The following MYO1A variants were observed in gnomAD, a reference collection of about 807,000 sequenced individuals.
MYO1A encodes myosin IA.
A neutral mutation model predicts 138.5 loss-of-function variants in MYO1A; 127 were observed. The observed-to-expected ratio is 0.92, with a 90% confidence interval of 0.79 to 1.06. The LOEUF (loss-of-function observed/expected upper bound fraction) is 1.06, where lower values mean the gene tolerates loss of function less well. MYO1A is among the 50% of genes least tolerant of loss of function. The pLI is 0.00. For synonymous variants in MYO1A, 477 were observed against 497.5 expected (o/e 0.96, Z 0.55); for missense variants, 1,211 against 1,288.8 (o/e 0.94, Z 0.92).
rs1273558891 is a variant in MYO1A at position 57,047,125 on chromosome 12, G to C, written c.431-18C>G. On this transcript the variant is annotated intron_variant, in intron 5 of 27. Coordinates refer to ENST00000300119, the MANE Select transcript of MYO1A (RefSeq NM_005379.4). The stretch of plus-strand genomic sequence containing the variant: ...GCCAAAAGCTACAGAGATGAGGAGG[G>C]GAGAAGTGAAACTCTAGAGAAGGGA... 3 of 1,613,788 alleles carry C rather than the reference G, an allele frequency of 1.9e-6. No individual in the cohort carries two copies. Among genetic ancestry groups the C allele is most frequent in the East Asian group, 2.2e-5 (1 of 44,886 alleles).
chr12:57,036,853 T>A lies in MYO1A; in HGVS notation c.2206-13A>T. 1 of 1,614,220 alleles carries A rather than the reference T, an allele frequency of 6.2e-7. No homozygotes were observed. Among genetic ancestry groups the A allele is most frequent in the Non-Finnish European group, 8.5e-7 (1 of 1,180,012 alleles). ...AGCATTTCTTTTGCTGTAGAAAACA[T>A]AGGAGTTGTTAGAAAAATGGCACCT... is the stretch of plus-strand genomic sequence containing the variant. On this transcript the variant is annotated splice_polypyrimidine_tract_variant and intron_variant, in intron 20 of 27. Transcript: ENST00000300119.
chr12:57,037,650 G>A lies in MYO1A; in HGVS notation c.1962-9C>T, dbSNP rs750614090. The A allele has an allele frequency of 9.3e-6, 15 of 1,613,132 alleles. 1 individual carries two copies. The East Asian group carries it at 2.5e-4, about 26-fold the overall frequency. On this transcript the variant is annotated splice_polypyrimidine_tract_variant and intron_variant, in intron 18 of 27. Transcript: ENST00000300119. Reference sequence around the variant, plus strand: ...CCTTCTCAACACCTTCCCTATGGAAGCAAATGACAGAAAGCTGCAGAGGGG... The same window carrying A: ...CCTTCTCAACACCTTCCCTATGGAAACAAATGACAGAAAGCTGCAGAGGGG...
chr12:57,047,974 G>T lies in MYO1A; in HGVS notation c.230+15C>A. 1.9e-6 allele frequency: 3 copies of T among 1,604,652 alleles called. No individual in the cohort carries two copies. The East Asian group carries it at 6.7e-5, about 36-fold the overall frequency. On this transcript the variant is annotated intron_variant, in intron 3 of 27. Transcript: ENST00000300119. ...GCTGGGGCCCTGTCAGCCTTCCCTT[G>T]GTCCCCCTACTCACATATGGGGCTT...
At chr12:57,040,502 G>A (rs556769754) in intron 14 of MYO1A, among the ~76,000 whole-genome samples, 7 of 152,156 alleles carry the variant, frequency 4.6e-5, no homozygotes, top group Admixed American at 2.0e-4. Flanking sequence ...TTTGAAGCAT[G>A]GGAATGTATT....
chr12:57,043,164 G>T lies in MYO1A; in HGVS notation c.1012-6C>A. Reference sequence around the variant, plus strand: ...GCGTCCCGAGCATACTGAGCCTGTGGGTGAGGCACAGCTGATTAGGGTGGC... The same window carrying T: ...GCGTCCCGAGCATACTGAGCCTGTGTGTGAGGCACAGCTGATTAGGGTGGC... On this transcript the variant is annotated splice_polypyrimidine_tract_variant and splice_region_variant and intron_variant, in intron 11 of 27. Transcript: ENST00000300119. 1 of 1,614,114 alleles carries T rather than the reference G, an allele frequency of 6.2e-7. No homozygotes were observed. Among genetic ancestry groups the T allele is most frequent in the Non-Finnish European group, 8.5e-7 (1 of 1,180,002 alleles).
chr12:57,039,913 T>A (rs912828803), intron 14 of MYO1A, among the ~76,000 whole-genome samples: 2 of 152,220 alleles, frequency 1.3e-5, no homozygotes, highest in Non-Finnish European at 2.9e-5. Context: ...AACCACTTTA[T>A]CTACATGAGA....
intron 22 of MYO1A, among the ~76,000 whole-genome samples, chr12:57,031,881 T>C (rs2030306991): frequency 6.6e-6 from 1 of 152,222 alleles, no homozygotes; most frequent in African/African-American, 2.4e-5. Context: ...CTCTTCCTCC[T>C]TCTCTCTGGC....
chr12:57,038,096 C>A (rs975093490), intron 17 of MYO1A, 27 bp from the exon 18 acceptor site: 2 of 1,610,562 alleles, frequency 1.2e-6, no homozygotes, highest in Non-Finnish European at 1.7e-6. Flanking sequence ...TAAGGCACAG[C>A]CTTCAGGAGC....
chr12:57,043,836 C>T lies in MYO1A; in HGVS notation c.892+20G>A. The stretch of plus-strand genomic sequence containing the variant: ...AAATTCAGGGTCTGGGTAGGAGCTC[C>T]AGCAGGCTGGGATGCAGACCTCTCC... On this transcript the variant is annotated intron_variant, in intron 10 of 27. Coordinates refer to ENST00000300119, the MANE Select transcript of MYO1A (RefSeq NM_005379.4). 3 of 1,613,948 alleles carry T rather than the reference C, an allele frequency of 1.9e-6. No individual in the cohort carries two copies. The highest frequency in any genetic ancestry group is 2.5e-6 in the Non-Finnish European group (3 of 1,179,970).
At chr12:57,036,702 T>A in intron 21 of MYO1A, 70 bp downstream of exon 21, 1 of 1,576,034 alleles carries the variant, frequency 6.3e-7, no homozygotes, top group Non-Finnish European at 8.7e-7. Flanking sequence ...AGCTCTCTGC[T>A]GCTCTAGCCA....
intron 1 of MYO1A, among the ~76,000 whole-genome samples, chr12:57,049,230 A>T (rs566559036): frequency 6.6e-6 from 1 of 152,246 alleles, no homozygotes; most frequent in African/African-American, 2.4e-5. Context: ...GGCACATGGC[A>T]GGTGTTCCCT....
rs199649464 is a variant in MYO1A, at chr12:57,048,346, G to A, written c.-20-3C>T. ...CATGTCCAGAGGGGCCACTGATCCTGGGAATAAGAGGCACAGTTTGCTGAT... is the reference window on the plus strand; with the variant it reads ...CATGTCCAGAGGGGCCACTGATCCTAGGAATAAGAGGCACAGTTTGCTGAT... On this transcript the variant is annotated splice_polypyrimidine_tract_variant and splice_region_variant and intron_variant, in intron 1 of 27. Coordinates refer to ENST00000300119, the MANE Select transcript of MYO1A (RefSeq NM_005379.4). 4.8e-5 allele frequency: 74 copies of A among 1,535,992 alleles called. 1 individual carries two copies. The East Asian group carries it at 1.6e-3, about 33-fold the overall frequency.
intron 8 of MYO1A, among the ~76,000 whole-genome samples, chr12:57,045,811 G>A (rs2136456859): frequency 6.6e-6 from 1 of 152,296 alleles, no homozygotes. Context: ...TCCAGGCTGT[G>A]ATGGACCCTT....
At position 57,046,853 on chromosome 12, in the gene MYO1A, A is replaced by G. The variant is rs778433638; in HGVS notation, c.541+10T>C. On this transcript the variant is annotated intron_variant, in intron 7 of 27. Coordinates refer to ENST00000300119, the MANE Select transcript of MYO1A (RefSeq NM_005379.4). ...GGAAGACAGGTGAGTGGAATTGGGG[A>G]GACACGTACAGTTTGTGATGACACC... The G allele has an allele frequency of 6.2e-7, 1 of 1,613,536 alleles. No individual in the cohort carries two copies. Among genetic ancestry groups the G allele is most frequent in the African/African-American group, 1.3e-5 (1 of 74,866 alleles).
intron 10 of MYO1A, 81 bp downstream of exon 10, chr12:57,043,775 T>C: frequency 2.5e-6 from 4 of 1,587,298 alleles, no homozygotes; most frequent in Non-Finnish European, 3.4e-6. Context: ...AGATCAATTA[T>C]GCTAGAGATG....
chr12:57,039,356 A>G, intron 14 of MYO1A, 82 bp from the exon 15 acceptor site: 1 of 1,064,166 alleles, frequency 9.4e-7, no homozygotes, highest in South Asian at 1.3e-5. Context: ...CCTTTCACCC[A>G]CCCAACAAAG....
In MYO1A at chr12:57,047,373, G is replaced by T; in HGVS notation, c.360C>A (p.Ala120=). Reference sequence around the variant, plus strand: ...TCACCTGCTCTCCTTTCCCACAGACGGCAGCCACATAAGACATCACCAGCT... The same window carrying T: ...TCACCTGCTCTCCTTTCCCACAGACTGCAGCCACATAAGACATCACCAGCT... ...ASKLVMSYVA[A]VCGKGEQVNS... is the part of the protein sequence containing the mutation. The change falls in exon 5 of 28, where the codon GCC becomes GCA. Residue 120 remains alanine (A), a synonymous_variant. Transcript: ENST00000300119. The T allele has an allele frequency of 1.2e-6, 2 of 1,614,072 alleles. No individual in the cohort carries two copies. The highest frequency in any genetic ancestry group is 1.7e-6 in the Non-Finnish European group (2 of 1,180,006).
Position 57,048,109 on chromosome 12 carries a change from A to G in MYO1A, c.115-5T>C. The G allele has an allele frequency of 1.2e-6, 2 of 1,612,972 alleles. No homozygotes were observed. Among genetic ancestry groups the G allele is most frequent in the African/African-American group, 1.3e-5 (1 of 75,036 alleles). On this transcript the variant is annotated splice_polypyrimidine_tract_variant and splice_region_variant and intron_variant, in intron 2 of 27. Coordinates refer to ENST00000300119, the MANE Select transcript of MYO1A (RefSeq NM_005379.4). Reference sequence around the variant, plus strand: ...CACCACATTCCCAATGTAGGTCTGGAGCCAGGAAGAAGGTGAAGGGAATGA... The same window carrying G: ...CACCACATTCCCAATGTAGGTCTGGGGCCAGGAAGAAGGTGAAGGGAATGA...
At chr12:57,048,176 T>A in intron 2 of MYO1A, 34 bp downstream of exon 2, 1 of 1,603,148 alleles carries the variant, frequency 6.2e-7, no homozygotes, top group Non-Finnish European at 8.5e-7. Context: ...TCCAGCCACA[T>A]ATCCACAGCC....
Sources: allele counts gnomAD v4.1 joint callset (sites outside exome capture counted in the v4.1 genomes callset), GRCh38; gene constraint gnomAD v4.1.1; transcripts MANE v1.5; gene names NCBI Gene and HGNC (gene_info 2026-07-23, HGNC 2026-07-21).